BMPR1B: variants seen among roughly 807,000 people sequenced by gnomAD.
BMPR1B encodes bone morphogenetic protein receptor type-1B.
Under a neutral mutation model 59.1 loss-of-function variants are expected in BMPR1B, and 12 were observed. That is an observed-to-expected ratio of 0.20 (90% CI 0.13 to 0.33). BMPR1B has a LOEUF of 0.33. Ranked by LOEUF, BMPR1B falls within the 10% of genes least tolerant of loss-of-function variation. The pLI is 1.00. For synonymous variants in BMPR1B, 237 were observed against 207.3 expected, an observed-to-expected ratio of 1.14 and a Z score of -1.23; for missense variants, 550 against 610.9, an observed-to-expected ratio of 0.90 and a Z score of 1.05.
chr4:94,816,545 G>A (rs917333832), intron 1 of BMPR1B, among the ~76,000 whole-genome samples: 4 of 151,976 alleles, frequency 2.6e-5, no homozygotes, highest in African/African-American at 4.8e-5. Context: ...TGTGAAGTAC[G>A]GATCTAAATT....
chr4:94,796,088 C>T (rs1723182683), intron 1 of BMPR1B, among the ~76,000 whole-genome samples: 1 of 152,024 alleles, frequency 6.6e-6, no homozygotes, highest in Non-Finnish European at 1.5e-5. Context: ...CCTCAGCCTC[C>T]TGAGTAGCTG....
chr4:94,767,433 T>G (rs2110564705), intron 1 of BMPR1B, among the ~76,000 whole-genome samples: 1 of 152,330 alleles, frequency 6.6e-6, no homozygotes, highest in East Asian at 1.9e-4. Context: ...GGAGCTTTAC[T>G]TTGTGTACTT....
At chr4:94,963,550 T>C (rs991679967) in intron 2 of BMPR1B, among the ~76,000 whole-genome samples, 2 of 152,192 alleles carry the variant, frequency 1.3e-5, no homozygotes, top group Admixed American at 1.3e-4. Context: ...TGTTTCATTA[T>C]TCTGCATATG....
chr4:95,035,642 C>T (rs1410572357), intron 3 of BMPR1B, among the ~76,000 whole-genome samples: 1 of 151,976 alleles, frequency 6.6e-6, no homozygotes, highest in Non-Finnish European at 1.5e-5. Context: ...GGTCTATGTG[C>T]CTGTTTTTAT....
At chr4:94,955,806 T>G (rs974351181) in intron 2 of BMPR1B, among the ~76,000 whole-genome samples, 1 of 151,928 alleles carries the variant, frequency 6.6e-6, no homozygotes, top group African/African-American at 2.4e-5. Flanking sequence ...ATTTTGTATT[T>G]TTAGTAGAGA....
At chr4:94,874,264 G>A (rs1726626374) in intron 1 of BMPR1B, among the ~76,000 whole-genome samples, 1 of 152,064 alleles carries the variant, frequency 6.6e-6, no homozygotes, top group Non-Finnish European at 1.5e-5. Flanking sequence ...CAGTGAACAT[G>A]GGTGTGCAAA....
chr4:94,877,824 G>C (rs1286475995), intron 2 of BMPR1B, among the ~76,000 whole-genome samples: 1 of 152,058 alleles, frequency 6.6e-6, no homozygotes, highest in Non-Finnish European at 1.5e-5. Context: ...ATTAATAATA[G>C]AATAATTAAA....
chr4:94,835,490 C>A (rs1201150190), intron 1 of BMPR1B, among the ~76,000 whole-genome samples: 1 of 151,874 alleles, frequency 6.6e-6, no homozygotes, highest in African/African-American at 2.4e-5. Flanking sequence ...ATTGAATGAC[C>A]CTGTAATAAG....
chr4:95,117,873 T>A (rs1267565156), intron 6 of BMPR1B, among the ~76,000 whole-genome samples: 1 of 152,098 alleles, frequency 6.6e-6, no homozygotes, highest in Non-Finnish European at 1.5e-5. Flanking sequence ...GAGCATTATC[T>A]GAGGAGGATG....
chr4:95,082,907 G>T (rs1247764344), intron 3 of BMPR1B, among the ~76,000 whole-genome samples: 4 of 151,542 alleles, frequency 2.6e-5, no homozygotes, highest in East Asian at 2.0e-4. Context: ...GTGTGGTGGC[G>T]GGCGCCTGTA....
At chr4:94,818,290 CA>C (rs1724083091) in intron 1 of BMPR1B, among the ~76,000 whole-genome samples, 1 of 152,090 alleles carries the variant, frequency 6.6e-6, no homozygotes, top group Non-Finnish European at 1.5e-5. Context: ...AAGTTTGTAT[CA>C]GGGGCTCTAC....
intron 1 of BMPR1B, among the ~76,000 whole-genome samples, chr4:94,809,260 T>A (rs183307574): frequency 6.6e-6 from 1 of 152,298 alleles, no homozygotes; most frequent in African/African-American, 2.4e-5. Context: ...ACATGTAAAA[T>A]TGTTATCATT....
At chr4:94,831,768 C>T (rs1001677114) in intron 1 of BMPR1B, among the ~76,000 whole-genome samples, 1 of 152,224 alleles carries the variant, frequency 6.6e-6, no homozygotes, top group Admixed American at 6.5e-5. Flanking sequence ...AGCTAAGCTT[C>T]ACCTGTATTT....
chr4:95,060,330 G>A (rs1381709109), intron 3 of BMPR1B, among the ~76,000 whole-genome samples: 2 of 152,140 alleles, frequency 1.3e-5, no homozygotes, highest in African/African-American at 4.8e-5. Context: ...GAAACTGTGT[G>A]TATTTAAAAG....
intron 3 of BMPR1B, among the ~76,000 whole-genome samples, chr4:95,080,934 T>C (rs1729088485): frequency 6.6e-6 from 1 of 152,202 alleles, no homozygotes; most frequent in Non-Finnish European, 1.5e-5. Context: ...CAATGGTTAT[T>C]GATATGGTTT....
intron 3 of BMPR1B, among the ~76,000 whole-genome samples, chr4:95,092,392 T>C (rs1171168150): frequency 1.3e-5 from 2 of 152,076 alleles, no homozygotes; most frequent in Non-Finnish European, 2.9e-5. Flanking sequence ...ACAGTTTTCT[T>C]TGGTTTACAG....
chr4:94,782,015 G>A (rs527307434), intron 1 of BMPR1B, among the ~76,000 whole-genome samples: 18 of 151,454 alleles, frequency 1.2e-4, no homozygotes, highest in Admixed American at 1.2e-3. Flanking sequence ...GAGCTTCCTG[G>A]ATTATTGTTT....
At chr4:94,930,987 G>A (rs910369382) in intron 2 of BMPR1B, among the ~76,000 whole-genome samples, 3 of 152,018 alleles carry the variant, frequency 2.0e-5, no homozygotes, top group African/African-American at 7.2e-5. Context: ...GATATATTAA[G>A]TTTCTGGACA....
intron 1 of BMPR1B, among the ~76,000 whole-genome samples, chr4:94,849,967 A>G (rs1488112785): frequency 6.6e-6 from 1 of 152,108 alleles, no homozygotes; most frequent in Non-Finnish European, 1.5e-5. Context: ...CATTTGTTCC[A>G]ACCCTTTATT....
Sources: gnomAD v4.1 joint callset for allele counts (sites outside exome capture counted in the v4.1 genomes callset) on GRCh38, gnomAD v4.1.1 for gene constraint, MANE v1.5 for transcripts, NCBI Gene and HGNC (gene_info 2026-07-23, HGNC 2026-07-21) for gene names.